IL23R: variants seen among roughly 807,000 people sequenced by gnomAD.
IL23R encodes interleukin-23 receptor.
IL23R carries 34 observed loss-of-function variants against 56.9 expected under a neutral mutation model. The observed-to-expected ratio is 0.60, with a 90% CI of 0.45 to 0.80. The LOEUF is 0.80. Ranked by LOEUF, IL23R falls within the 30% of genes least tolerant of loss-of-function variation. The probability of loss-of-function intolerance (pLI) is 0.00; values close to 1 mark genes in which losing one functional copy is unlikely to be tolerated. For missense variants in IL23R, 635 were observed against 730.0 expected, an observed-to-expected ratio of 0.87 and a Z score of 1.50; for synonymous variants, 230 against 249.2, an observed-to-expected ratio of 0.92 and a Z score of 0.73.
downstream of IL23R, among the ~76,000 whole-genome samples, chr1:67,261,866 C>A (rs1241747768): frequency 4.6e-5 from 7 of 152,216 alleles, no homozygotes; most frequent in Non-Finnish European, 7.3e-5. Context: ...GCGAGTGCCT[C>A]CTTTTCGCCC....
At chr1:67,249,649 G>A (rs146885416) in intron 9 of IL23R, among the ~76,000 whole-genome samples, 2 of 152,156 alleles carry the variant, frequency 1.3e-5, no homozygotes, top group African/African-American at 4.8e-5. Context: ...ACAATCCCAT[G>A]TAACTAAACA....
intron 1 of IL23R, among the ~76,000 whole-genome samples, chr1:67,155,079 G>A (rs1371551560): frequency 6.6e-6 from 1 of 152,110 alleles, no homozygotes; most frequent in Non-Finnish European, 1.5e-5. Context: ...GAAATTCTGG[G>A]TTGAAAATTC....
chr1:67,203,881 T>C (rs1397019114), intron 5 of IL23R, among the ~76,000 whole-genome samples: 1 of 152,176 alleles, frequency 6.6e-6, no homozygotes, highest in Non-Finnish European at 1.5e-5. Flanking sequence ...TAACTTCTCT[T>C]GTAGGGAAAT....
At chr1:67,189,614 A>G (rs1176969451) in intron 4 of IL23R, among the ~76,000 whole-genome samples, 1 of 152,208 alleles carries the variant, frequency 6.6e-6, no homozygotes, top group African/African-American at 2.4e-5. Flanking sequence ...CTATTTATCT[A>G]ATGATTAGTT....
chr1:67,233,667 T>C (rs1651257856), intron 7 of IL23R, among the ~76,000 whole-genome samples: 1 of 152,216 alleles, frequency 6.6e-6, no homozygotes, highest in South Asian at 2.1e-4. Flanking sequence ...GACTAAAGTT[T>C]GGTGCCAGTG....
Position 67,189,337 on chromosome 1 carries a change from G to A in IL23R, c.491+6378G>A, listed in dbSNP as rs536799059. On this transcript the variant is annotated intron_variant, in intron 4 of 10. Transcript: ENST00000347310. ...ACATTTCCTGAATCTCCCCTTCACTGTCTAGTTAAGTAATAATATAAGGTC... is the reference window on the plus strand; with the variant it reads ...ACATTTCCTGAATCTCCCCTTCACTATCTAGTTAAGTAATAATATAAGGTC... Among the ~76,000 whole-genome samples, 29 of 152,092 alleles carry A rather than the reference G, an allele frequency of 1.9e-4. No homozygotes were observed. In the South Asian group the frequency reaches 5.4e-3, roughly 28 times the overall value.
At position 67,258,821 on chromosome 1, in the gene IL23R, C is replaced by A; in HGVS notation, c.1583C>A (p.Pro528His). The change falls in exon 11 of 11, where the codon CCT becomes CAT. Residue 528 changes from proline (P) to histidine (H), a missense_variant. Pro to His is a moderately conservative substitution (Grantham distance 77). Transcript: ENST00000347310. ...SGNNPRLQKH[P>H]NFAFSVSSVN... ...AATAATCCCAGGTTACAAAAGCATC[C>A]TAATTTTGCTTTTTCTGTTTCAAGT... 1.9e-6 allele frequency: 3 copies of A among 1,612,248 alleles called. No homozygotes were observed. Among genetic ancestry groups the A allele is most frequent in the Non-Finnish European group, 2.5e-6 (3 of 1,178,628 alleles).
intron 3 of IL23R, among the ~76,000 whole-genome samples, chr1:67,180,278 A>T (rs878930738): frequency 6.6e-6 from 1 of 151,998 alleles, no homozygotes; most frequent in African/African-American, 2.4e-5. Context: ...GTCTCTAAGG[A>T]CTTGCTTTAT....
At chr1:67,224,677 TCTTA>T in intron 7 of IL23R, among the ~76,000 whole-genome samples, 2 of 152,342 alleles carry the variant, frequency 1.3e-5, no homozygotes. Flanking sequence ...ATTCTCTTTT[TCTTA>T]CTTAGAGTAT....
chr1:67,205,911 CTTTCTTTCTTTCTT>C, intron 5 of IL23R, among the ~76,000 whole-genome samples: 1 of 97,246 alleles, frequency 1.0e-5, no homozygotes, highest in African/African-American at 3.2e-5. Flanking sequence ...TTCTTTCTTT[CTTTCTTTCTTTCTT>C]TTTCTTTCTT....
chr1:67,256,299 G>T (rs534554917), intron 10 of IL23R, among the ~76,000 whole-genome samples: 1 of 152,170 alleles, frequency 6.6e-6, no homozygotes, highest in East Asian at 1.9e-4. Flanking sequence ...AAGGGCTTCT[G>T]TTTCACATGA....
chr1:67,218,970 CAT>C (rs1491144916), intron 6 of IL23R, among the ~76,000 whole-genome samples: 1 of 150,740 alleles, frequency 6.6e-6, no homozygotes, highest in Non-Finnish European at 1.5e-5. Flanking sequence ...CACACACACA[CAT>C]ATAAATAAAT....
At chr1:67,183,909 C>T (rs146083367) in intron 4 of IL23R, among the ~76,000 whole-genome samples, 24 of 152,210 alleles carry the variant, frequency 1.6e-4, no homozygotes, top group African/African-American at 4.6e-4. Flanking sequence ...TTACCTTATC[C>T]GTGTTTCTTG....
intron 4 of IL23R, among the ~76,000 whole-genome samples, chr1:67,183,250 C>T (rs981412709): frequency 2.0e-5 from 3 of 152,164 alleles, no homozygotes; most frequent in Non-Finnish European, 2.9e-5. Context: ...TAAGCCATTG[C>T]TTAGGACGGG....
chr1:67,238,126 T>C (rs947387778), intron 8 of IL23R, among the ~76,000 whole-genome samples: 9 of 152,038 alleles, frequency 5.9e-5, no homozygotes, highest in African/African-American at 2.2e-4. Context: ...GGCAGGCAGA[T>C]TGCTTGAGTC....
At chr1:67,229,283 T>C (rs187033872) in intron 7 of IL23R, among the ~76,000 whole-genome samples, 18 of 152,314 alleles carry the variant, frequency 1.2e-4, no homozygotes, top group African/African-American at 3.8e-4. Context: ...AAAACACTTA[T>C]GATTACTGGT....
chr1:67,232,975 G>C (rs190989398), intron 7 of IL23R, among the ~76,000 whole-genome samples: 2 of 151,748 alleles, frequency 1.3e-5, no homozygotes, highest in African/African-American at 4.8e-5. Flanking sequence ...CTGTTTCCCC[G>C]ATCACCATGA....
At chr1:67,262,154 T>C (rs969228082), downstream of IL23R, among the ~76,000 whole-genome samples, 2 of 152,228 alleles carry the variant, frequency 1.3e-5, no homozygotes, top group African/African-American at 4.8e-5. Context: ...ATTGAACTAC[T>C]GAATGTCCTT....
intron 9 of IL23R, among the ~76,000 whole-genome samples, chr1:67,253,056 T>C (rs1169961280): frequency 1.3e-5 from 2 of 152,212 alleles, no homozygotes; most frequent in Non-Finnish European, 2.9e-5. Flanking sequence ...GGGATTCAAA[T>C]ATAGAGGTAT....
Sources: gnomAD v4.1 joint callset for allele counts (sites outside exome capture counted in the v4.1 genomes callset) on GRCh38, gnomAD v4.1.1 for gene constraint, MANE v1.5 for transcripts, NCBI Gene and HGNC (gene_info 2026-07-23, HGNC 2026-07-21) for gene names.